The following GRK5 variants were observed in gnomAD, a reference collection of about 807,000 sequenced individuals.
The protein encoded by GRK5 is G protein-coupled receptor kinase 5.
GRK5 carries 40 observed loss-of-function variants against 78.4 expected under a neutral mutation model. The observed-to-expected ratio is 0.51, with a 90% CI of 0.40 to 0.66. GRK5 has a LOEUF of 0.66. GRK5 is among the 30% of genes least tolerant of loss of function. GRK5 has a pLI of 0.00. For missense variants in GRK5, 598 were observed against 759.9 expected, an observed-to-expected ratio of 0.79 and a Z score of 2.50; for synonymous variants, 289 against 296.8, an observed-to-expected ratio of 0.97 and a Z score of 0.27.
At chr10:119,303,066 T>C (rs963894209) in intron 1 of GRK5, among the ~76,000 whole-genome samples, 1 of 152,034 alleles carries the variant, frequency 6.6e-6, no homozygotes, top group African/African-American at 2.4e-5. Flanking sequence ...GGTTGCACAG[T>C]GGGCAGGAGC....
Position 119,452,496 on chromosome 10 carries a change from C to A in GRK5, c.1405-175C>A. 1.5e-6 allele frequency: 1 copy of A among 659,128 alleles called. No individual in the cohort carries two copies. Among genetic ancestry groups the A allele is most frequent in the Non-Finnish European group, 2.5e-6 (1 of 399,450 alleles). The allele number at this position is 659,128 out of a possible 1,614,324, so 40.8% of individuals were successfully genotyped here. A position where few individuals can be genotyped will look rare whatever the true frequency, so the allele number is the denominator to read the frequency against. On this transcript the variant is annotated intron_variant, in intron 13 of 15. Coordinates refer to ENST00000392870, the MANE Select transcript of GRK5 (RefSeq NM_005308.3). The surrounding 1 kb of genome is among the most constrained non-coding windows in gnomAD (Gnocchi z 4.4). ...CCCAGCCAAGCCACTGGGGCCGACC[C>A]CTCCCCTGGACTCACCTGCATCTGA...
At chr10:119,408,826 A>G (rs1270158420) in intron 4 of GRK5, among the ~76,000 whole-genome samples, 1 of 152,236 alleles carries the variant, frequency 6.6e-6, no homozygotes, top group Non-Finnish European at 1.5e-5. Context: ...TGTACACTTT[A>G]AAATGGTTGA....
Position 119,220,056 on chromosome 10 carries a change from A to G in GRK5, c.52+12087A>G, listed in dbSNP as rs77415898. Among the ~76,000 whole-genome samples the G allele has an allele frequency of 7.7e-3, 1,170 of 152,338 alleles. 17 individuals are homozygous for G. The highest frequency in any genetic ancestry group is 0.027 in the African/African-American group (1,119 of 41,586). On this transcript the variant is annotated intron_variant, in intron 1 of 15. Coordinates refer to ENST00000392870, the MANE Select transcript of GRK5 (RefSeq NM_005308.3). Reference sequence around the variant, plus strand: ...AAAAATTGCCTTTCTGCTCATGGGCAGGGAGGCTGGATCCAATTAAGACAA... The same window carrying G: ...AAAAATTGCCTTTCTGCTCATGGGCGGGGAGGCTGGATCCAATTAAGACAA...
At chr10:119,320,684 G>A (rs1382748474) in intron 1 of GRK5, among the ~76,000 whole-genome samples, 1 of 152,236 alleles carries the variant, frequency 6.6e-6, no homozygotes, top group Non-Finnish European at 1.5e-5. Context: ...AACAGTGAGT[G>A]TAAAGGCCCT....
rs1177263965 is a variant in GRK5 at position 119,458,833 on chromosome 10, A to G, written c.*3766A>G. 1 of 151,826 alleles carries G rather than the reference A, an allele frequency of 6.6e-6. No homozygotes were observed. The highest frequency in any genetic ancestry group is 1.5e-5 in the Non-Finnish European group (1 of 67,938). The allele number at this position is 151,826 out of a possible 1,614,324, so 9.4% of individuals were successfully genotyped here. A position where few individuals can be genotyped will look rare whatever the true frequency, so the allele number is the denominator to read the frequency against. ...GTTCCAGCTACCCATCGACTTTCCCACCGAGCCGCTGCCCTCAAAACGGAG... is the reference window on the plus strand; with the variant it reads ...GTTCCAGCTACCCATCGACTTTCCCGCCGAGCCGCTGCCCTCAAAACGGAG... On this transcript the variant is annotated 3_prime_UTR_variant, in exon 16 of 16. Transcript: ENST00000392870.
chr10:119,302,051 T>G (rs1850191968), intron 1 of GRK5, among the ~76,000 whole-genome samples: 1 of 152,220 alleles, frequency 6.6e-6, no homozygotes, highest in Non-Finnish European at 1.5e-5. Flanking sequence ...TCTAAAGCAT[T>G]CGTTGGCTTC....
intron 2 of GRK5, among the ~76,000 whole-genome samples, chr10:119,366,153 C>A (rs1344304382): frequency 6.6e-6 from 1 of 152,176 alleles, no homozygotes; most frequent in Non-Finnish European, 1.5e-5. Context: ...TTCCAACACC[C>A]TATTAAAGCC....
At chr10:119,325,165 G>T (rs1338922445) in intron 1 of GRK5, among the ~76,000 whole-genome samples, 1 of 152,234 alleles carries the variant, frequency 6.6e-6, no homozygotes, top group African/African-American at 2.4e-5. Flanking sequence ...TTGGATGACA[G>T]TTAAGAATCC....
rs1564917727 is a variant in GRK5 at position 119,394,620 on chromosome 10, GGTGTGT to G, written c.262-2073_262-2068del. 5.3e-3 allele frequency among the ~76,000 whole-genome samples: 12 copies of G among 2,276 alleles called. 3 individuals carry two copies. The highest frequency in any genetic ancestry group is 0.017 in the African/African-American group (10 of 578). 1.5% of individuals were successfully genotyped at this position (2,276 alleles called of 152,430 possible). On this transcript the variant is annotated intron_variant, in intron 3 of 15. Transcript: ENST00000392870. ...CTGTGTGTGGGCACGTGTATGTTTGGGTGTGTGGGTGTGTGTGTGGGTGTGTGTGTG... is the reference window on the plus strand; with the variant it reads ...CTGTGTGTGGGCACGTGTATGTTTGGGGGTGTGTGTGTGGGTGTGTGTGTG...
intron 1 of GRK5, among the ~76,000 whole-genome samples, chr10:119,281,477 T>C (rs1364222340): frequency 1.3e-5 from 2 of 152,216 alleles, no homozygotes; most frequent in Non-Finnish European, 2.9e-5. Context: ...CTCGTTCATT[T>C]TGGCCATGTC....
chr10:119,227,794 G>C (rs1848764483), intron 1 of GRK5, among the ~76,000 whole-genome samples: 1 of 152,114 alleles, frequency 6.6e-6, no homozygotes, highest in Admixed American at 6.6e-5. Flanking sequence ...ATTGATAAAG[G>C]CTTATTTAAA....
intron 13 of GRK5, among the ~76,000 whole-genome samples, chr10:119,448,878 C>T (rs1853214885): frequency 6.6e-6 from 1 of 152,200 alleles, no homozygotes; most frequent in Non-Finnish European, 1.5e-5. Context: ...CATGAGCTCT[C>T]AGCTGGATCA....
chr10:119,215,461 GA>G (rs1848555827), intron 1 of GRK5, among the ~76,000 whole-genome samples: 1 of 149,782 alleles, frequency 6.7e-6, no homozygotes, highest in African/African-American at 2.5e-5. Context: ...GGAGAGATGA[GA>G]GGGGGAAATG....
intron 1 of GRK5, among the ~76,000 whole-genome samples, chr10:119,289,131 AT>A (rs953973538): frequency 4.0e-5 from 6 of 151,840 alleles, no homozygotes; most frequent in Non-Finnish European, 2.9e-5. Flanking sequence ...ATTTTTCAAG[AT>A]TTTTTTTTAT....
intron 1 of GRK5, among the ~76,000 whole-genome samples, chr10:119,294,700 G>A (rs1040891383): frequency 4.6e-5 from 7 of 152,192 alleles, no homozygotes; most frequent in Non-Finnish European, 8.8e-5. Flanking sequence ...TTCTAGGACA[G>A]GGGCCAGCAA....
At chr10:119,433,993 C>T (rs773179025) in intron 8 of GRK5, among the ~76,000 whole-genome samples, 2 of 152,202 alleles carry the variant, frequency 1.3e-5, no homozygotes, top group Non-Finnish European at 2.9e-5. Context: ...ATGTGAAAGG[C>T]ACTTCTTACA....
chr10:119,314,625 G>A (rs1850452995), intron 1 of GRK5, among the ~76,000 whole-genome samples: 1 of 152,208 alleles, frequency 6.6e-6, no homozygotes. Flanking sequence ...AGGGAACAGT[G>A]GACCCATGCC....
chr10:119,425,257 G>GCACACA (rs1176161623), intron 6 of GRK5, among the ~76,000 whole-genome samples, 172 bp downstream of exon 6: 3 of 92,460 alleles, frequency 3.2e-5, no homozygotes, highest in South Asian at 6.9e-4. Context: ...GCTTATTCAA[G>GCACACA]CACACACACA....
intron 1 of GRK5, among the ~76,000 whole-genome samples, chr10:119,242,171 T>C (rs948909628): frequency 2.6e-5 from 4 of 152,008 alleles, no homozygotes; most frequent in Non-Finnish European, 5.9e-5. Flanking sequence ...GCCAAAGTGG[T>C]ATATTTTCGG....
Sources: allele counts gnomAD v4.1 joint callset (sites outside exome capture counted in the v4.1 genomes callset), GRCh38; gene constraint gnomAD v4.1.1; non-coding constraint Gnocchi (gnomAD v3.1); transcripts MANE v1.5; gene names NCBI Gene and HGNC (gene_info 2026-07-23, HGNC 2026-07-21).